The following RIT2 variants were observed in gnomAD, a reference collection of about 807,000 sequenced individuals.
RIT2 encodes the protein GTP-binding protein Rit2.
In RIT2, 24 loss-of-function variants were observed where a neutral mutation model predicts 23.7. The ratio of observed to expected loss-of-function variants is 1.01; its 90% confidence interval spans 0.73 to 1.43. RIT2 has a LOEUF of 1.43. RIT2 is among the 40% of genes most tolerant of loss of function. The pLI, the probability that RIT2 is intolerant of heterozygous loss-of-function variation, is 0.00. For synonymous variants in RIT2, 107 were observed against 91.1 expected (o/e 1.17, Z -0.99); for missense variants, 236 against 266.9 (o/e 0.88, Z 0.81).
intron 1 of RIT2, among the ~76,000 whole-genome samples, chr18:43,053,225 G>A (rs1912425164): frequency 6.6e-6 from 1 of 151,982 alleles, no homozygotes; most frequent in South Asian, 2.1e-4. Flanking sequence ...ACTAGTGGTA[G>A]GTTTGTGAGC....
At chr18:43,066,142 A>G (rs1376858581) in intron 1 of RIT2, among the ~76,000 whole-genome samples, 1 of 152,196 alleles carries the variant, frequency 6.6e-6, no homozygotes, top group Non-Finnish European at 1.5e-5. Flanking sequence ...TTCTAGATTA[A>G]AAGTTGAGTT....
intron 1 of RIT2, among the ~76,000 whole-genome samples, chr18:43,090,361 T>G (rs2144359401): frequency 6.6e-6 from 1 of 152,030 alleles, no homozygotes; most frequent in African/African-American, 2.4e-5. Flanking sequence ...TACTAGAAAG[T>G]CAAAAAATAC....
At chr18:42,983,038 A>T (rs982215696) in intron 2 of RIT2, among the ~76,000 whole-genome samples, 9 of 152,104 alleles carry the variant, frequency 5.9e-5, no homozygotes, top group African/African-American at 2.2e-4. Context: ...AATATAATGA[A>T]TAGAAAGGAA....
At chr18:43,053,398 G>A (rs1003010010) in intron 1 of RIT2, among the ~76,000 whole-genome samples, 1 of 151,940 alleles carries the variant, frequency 6.6e-6, no homozygotes, top group African/African-American at 2.4e-5. Context: ...GCTCATTATT[G>A]TGATAGCTTC....
chr18:42,892,797 C>T (rs188964223), intron 4 of RIT2, among the ~76,000 whole-genome samples: 4 of 152,286 alleles, frequency 2.6e-5, no homozygotes, highest in Non-Finnish European at 5.9e-5. Flanking sequence ...ACTTACTCTT[C>T]TTTGCCTAGG....
chr18:42,988,277 A>G (rs1254392690), intron 2 of RIT2, among the ~76,000 whole-genome samples: 2 of 152,174 alleles, frequency 1.3e-5, no homozygotes, highest in African/African-American at 4.8e-5. Context: ...AAGAGAAAAT[A>G]TTCACTTTCT....
intron 4 of RIT2, among the ~76,000 whole-genome samples, chr18:42,842,082 G>A (rs1906782775): frequency 6.6e-6 from 1 of 152,178 alleles, no homozygotes; most frequent in Admixed American, 6.5e-5. Flanking sequence ...ATTTGCTGTA[G>A]GCTGATATGC....
At chr18:42,903,184 G>C (rs968509771) in intron 4 of RIT2, among the ~76,000 whole-genome samples, 1 of 152,016 alleles carries the variant, frequency 6.6e-6, no homozygotes, top group African/African-American at 2.4e-5. Context: ...GGTGCGATAT[G>C]TTAATGTGCT....
intron 3 of RIT2, among the ~76,000 whole-genome samples, chr18:42,958,148 A>G (rs1568039710): frequency 6.6e-6 from 1 of 152,154 alleles, no homozygotes; most frequent in Non-Finnish European, 1.5e-5. Context: ...AACAGTCTAT[A>G]AAAATTGGTT....
chr18:42,949,584 A>G (rs1909803510), intron 3 of RIT2, among the ~76,000 whole-genome samples: 1 of 152,088 alleles, frequency 6.6e-6, no homozygotes, highest in South Asian at 2.1e-4. Flanking sequence ...TAGTTTTTGC[A>G]GTCTTTTTCA....
At chr18:42,791,756 A>G (rs1210140677) in intron 4 of RIT2, among the ~76,000 whole-genome samples, 2 of 152,136 alleles carry the variant, frequency 1.3e-5, no homozygotes, top group African/African-American at 4.8e-5. Context: ...TCTTTTCTTA[A>G]CAAGATTTTC....
chr18:42,749,396 ATATT>A (rs1912993713), intron 4 of RIT2, among the ~76,000 whole-genome samples: 1 of 151,824 alleles, frequency 6.6e-6, no homozygotes, highest in African/African-American at 2.4e-5. Context: ...AATGATCAAA[ATATT>A]AACCACAAAA....
intron 4 of RIT2, among the ~76,000 whole-genome samples, chr18:42,765,246 T>C (rs1913393580): frequency 6.6e-6 from 1 of 152,216 alleles, no homozygotes; most frequent in Admixed American, 6.5e-5. Context: ...GCTTTAACTA[T>C]ATGTAGAGAG....
intron 4 of RIT2, among the ~76,000 whole-genome samples, chr18:42,824,565 A>C (rs1906243137): frequency 1.3e-5 from 2 of 152,080 alleles, no homozygotes; most frequent in Admixed American, 6.6e-5. Context: ...ATTAAGCTGA[A>C]GAGATAATAA....
intron 4 of RIT2, among the ~76,000 whole-genome samples, chr18:42,893,039 A>G (rs1268424435): frequency 6.6e-6 from 1 of 152,138 alleles, no homozygotes; most frequent in Non-Finnish European, 1.5e-5. Context: ...TCCAAAGCCC[A>G]CAGGAATTTG....
chr18:42,855,786 C>G (rs16977063), intron 4 of RIT2, among the ~76,000 whole-genome samples: 7,501 of 152,240 alleles, frequency 0.049, 573 homozygotes, highest in East Asian at 0.32. Flanking sequence ...AGCTTTCTAG[C>G]TTGCCTCAGA....
intron 4 of RIT2, among the ~76,000 whole-genome samples, chr18:42,824,317 T>A (rs531986373): frequency 1.3e-5 from 2 of 152,210 alleles, no homozygotes; most frequent in Non-Finnish European, 2.9e-5. Flanking sequence ...ACTGACACAG[T>A]AAGTCAATTA....
At chr18:42,791,854 C>A (rs1029736267) in intron 4 of RIT2, among the ~76,000 whole-genome samples, 4 of 152,168 alleles carry the variant, frequency 2.6e-5, no homozygotes, top group Admixed American at 2.0e-4. Context: ...ACTTATTTGA[C>A]TCCAGCATGA....
intron 2 of RIT2, among the ~76,000 whole-genome samples, chr18:42,978,157 A>G (rs574209751): frequency 6.6e-6 from 1 of 152,090 alleles, no homozygotes; most frequent in East Asian, 1.9e-4. Context: ...TCTAGGTGAG[A>G]ACTCCTCTGT....
Sources: allele counts gnomAD v4.1 joint callset (sites outside exome capture counted in the v4.1 genomes callset), GRCh38; gene constraint gnomAD v4.1.1; transcripts MANE v1.5; gene names NCBI Gene and HGNC (gene_info 2026-07-23, HGNC 2026-07-21).